The following BCLAF3 variants were observed in gnomAD, a reference collection of about 807,000 sequenced individuals.
BCLAF3 encodes the protein BCLAF1 and THRAP3 family member 3, also known as transient octamer binding factor 1.
BCLAF3 carries 24 observed loss-of-function variants against 51.2 expected under a neutral mutation model. That is an observed-to-expected ratio of 0.47 (90% confidence interval 0.34 to 0.66). The LOEUF (loss-of-function observed/expected upper bound fraction) is 0.66. Among genes scored for constraint, BCLAF3 ranks in the 30% least tolerant of loss-of-function variants. The pLI is 0.01. For synonymous variants in BCLAF3, 152 were observed against 176.6 expected (o/e 0.86, Z 1.10); for missense variants, 465 against 525.1 (o/e 0.89, Z 1.12).
rs2072006441 is a variant in BCLAF3, at chrX:19,965,188, C to A, written c.1130G>T (p.Gly377Val). The A allele has an allele frequency of 8.3e-7, 1 of 1,204,831 alleles. No individual in the cohort carries two copies. The highest frequency in any genetic ancestry group is 1.8e-5 in the African/African-American group (1 of 57,041). Residue 377 changes from glycine to valine, a missense_variant, in exon 4 of 12, where the codon GGG (glycine) becomes GTG (valine). Transcript: ENST00000379682. Reference protein sequence around the residue: ...DKWKEKIKKEGDCRKESNSSS... With the variant: ...DKWKEKIKKEVDCRKESNSSS... ...AGAATTGCTCTCTTTTCTACAATCCCCTTCTTTCTTTATTTTTTCCTTCCA... is the reference window on the plus strand; with the variant it reads ...AGAATTGCTCTCTTTTCTACAATCCACTTCTTTCTTTATTTTTTCCTTCCA...
At chrX:19,968,288 G>A (rs1201984490) in intron 2 of BCLAF3, among the ~76,000 whole-genome samples, 1 of 112,563 alleles carries the variant, frequency 8.9e-6, no homozygotes, top group Non-Finnish European at 1.9e-5. Flanking sequence ...CACGCCTTGC[G>A]AGCGCCCTGT....
rs1036987481 is a variant in BCLAF3, at chrX:19,986,371, G to C, written c.-35+4537C>G. On this transcript the variant is annotated intron_variant, in intron 1 of 11. Coordinates refer to ENST00000379682, the MANE Select transcript of BCLAF3 (RefSeq NM_001367774.2). Reference sequence around the variant, plus strand: ...AGCGTCAGGCCCAGATGGTTTCACAGGGAATTCTACCAAATCTTCAAACAC... The same window carrying C: ...AGCGTCAGGCCCAGATGGTTTCACACGGAATTCTACCAAATCTTCAAACAC... Among the ~76,000 whole-genome samples, 3 of 112,199 alleles carry C rather than the reference G, an allele frequency of 2.7e-5. No homozygotes were observed. The Admixed American group carries it at 2.8e-4, about 11-fold the overall frequency.
chrX:19,986,322 T>C (rs1259446282), intron 1 of BCLAF3, among the ~76,000 whole-genome samples: 1 of 111,849 alleles, frequency 8.9e-6, no homozygotes, highest in Non-Finnish European at 1.9e-5. Flanking sequence ...TTGAGAAAGT[T>C]ATAAAGGAAA....
chrX:19,932,158 T>C (rs1047026003), intron 10 of BCLAF3, among the ~76,000 whole-genome samples: 1 of 112,520 alleles, frequency 8.9e-6, no homozygotes, highest in African/African-American at 3.2e-5. Context: ...AACTTTATTA[T>C]CTGCAAATTT....
At chrX:19,933,530 T>G (rs2070641475) in intron 10 of BCLAF3, among the ~76,000 whole-genome samples, 1 of 111,743 alleles carries the variant, frequency 8.9e-6, no homozygotes, top group Admixed American at 9.5e-5. Flanking sequence ...GCACATAATT[T>G]TACAAAAAAA....
chrX:19,917,472 G>A (rs769160480), intron 11 of BCLAF3, 138 bp from the exon 12 acceptor site: 1 of 514,319 alleles, frequency 1.9e-6, no homozygotes, highest in Admixed American at 3.2e-5. Flanking sequence ...ACGAAGGCAT[G>A]TGGAACCCCA....
At chrX:19,937,386 TA>T in intron 9 of BCLAF3, 31 bp downstream of exon 9, 1 of 813,946 alleles carries the variant, frequency 1.2e-6, no homozygotes, top group Non-Finnish European at 1.8e-6. Flanking sequence ...GAAGAAATTA[TA>T]AAAATGCAAA....
chrX:19,971,096 T>A (rs780913284), intron 1 of BCLAF3, among the ~76,000 whole-genome samples: 1 of 112,402 alleles, frequency 8.9e-6, no homozygotes, highest in South Asian at 3.7e-4. Flanking sequence ...CTTTTAAAAT[T>A]TCTTTTCTTT....
chrX:19,966,051 A>C (rs1569507996), intron 3 of BCLAF3, 29 bp downstream of exon 3: 1 of 1,146,235 alleles, frequency 8.7e-7, no homozygotes, highest in Non-Finnish European at 1.2e-6. Context: ...CTTTATACCA[A>C]ATTACCCAGG....
chrX:19,955,605 ATT>A, intron 4 of BCLAF3, 39 bp from the exon 5 acceptor site: 1 of 1,068,736 alleles, frequency 9.4e-7, no homozygotes, highest in Non-Finnish European at 1.3e-6. Flanking sequence ...ATTTGAAACT[ATT>A]TTGTGGAGAA....
chrX:19,952,892 G>T, intron 7 of BCLAF3, 96 bp downstream of exon 7: 1 of 620,571 alleles, frequency 1.6e-6, no homozygotes, highest in Non-Finnish European at 2.5e-6. Flanking sequence ...CCTTCTTCAT[G>T]TACTTTAACT....
chrX:19,962,543 C>A (rs1277206759), intron 4 of BCLAF3, among the ~76,000 whole-genome samples: 6 of 111,578 alleles, frequency 5.4e-5, no homozygotes, highest in Non-Finnish European at 1.1e-4. Context: ...TATAATTTTA[C>A]CTCAAAAGAA....
At chrX:19,946,369 G>C (rs1381299041) in intron 8 of BCLAF3, among the ~76,000 whole-genome samples, 1 of 112,253 alleles carries the variant, frequency 8.9e-6, no homozygotes, top group Non-Finnish European at 1.9e-5. Context: ...TGGATCATGA[G>C]ACAGATGCTA....
intron 8 of BCLAF3, among the ~76,000 whole-genome samples, chrX:19,939,552 A>C (rs889671540): frequency 8.9e-6 from 1 of 112,159 alleles, no homozygotes; most frequent in Admixed American, 9.5e-5. Context: ...GCAAATCAAA[A>C]CCACAATGAG....
chrX:19,949,099 A>G (rs1603312345), intron 8 of BCLAF3, among the ~76,000 whole-genome samples: 2 of 111,738 alleles, frequency 1.8e-5, no homozygotes, highest in Non-Finnish European at 3.8e-5. Context: ...CAAATAAAAT[A>G]ATCCAACAGA....
chrX:19,921,718 T>C (rs2070164994), intron 11 of BCLAF3, among the ~76,000 whole-genome samples: 1 of 106,719 alleles, frequency 9.4e-6, no homozygotes, highest in Admixed American at 1.0e-4. Context: ...AATAAAAAAT[T>C]GGCCAGGCGT....
intron 8 of BCLAF3, 69 bp downstream of exon 8, chrX:19,950,684 C>G: frequency 2.6e-6 from 2 of 778,747 alleles, no homozygotes; most frequent in Admixed American, 2.9e-5. Context: ...TATCATCACA[C>G]AAAAAATGTA....
chrX:19,924,264 CAAG>C (rs1337061108), intron 11 of BCLAF3, among the ~76,000 whole-genome samples: 1 of 110,862 alleles, frequency 9.0e-6, no homozygotes, highest in Admixed American at 9.7e-5. Flanking sequence ...GCAATCAAGA[CAAG>C]AAGGAGGACT....
At position 19,966,264 on chromosome X, in the gene BCLAF3, G is replaced by A. The variant is rs772455642; in HGVS notation, c.427C>T (p.His143Tyr). The change falls in exon 3 of 12, where the codon CAC becomes TAC. Residue 143 changes from histidine (H) to tyrosine (Y), a missense_variant. Transcript: ENST00000379682. ...CCTTTTCCACTTCCTCTAACTCTGT[G>A]GTCATCAGGACTATGCCCTCCTTGC... ...KVQGGHSPDD[H>Y]RVRGSGKGGK... The A allele has an allele frequency of 1.5e-5, 18 of 1,209,414 alleles. No individual in the cohort carries two copies. In the Admixed American group the frequency reaches 3.9e-4, roughly 27 times the overall value.
Sources: allele counts gnomAD v4.1 joint callset (sites outside exome capture counted in the v4.1 genomes callset), GRCh38; gene constraint gnomAD v4.1.1; transcripts MANE v1.5; gene names NCBI Gene and HGNC (gene_info 2026-07-23, HGNC 2026-07-21).